Variants in SLC36A1 observed in about 807,000 individuals in gnomAD.
SLC36A1 encodes the protein proton-coupled amino acid transporter 1.
Under a neutral mutation model 47.5 loss-of-function variants are expected in SLC36A1, and 30 were observed. That is an observed-to-expected ratio of 0.63 (90% CI 0.47 to 0.86). The LOEUF (loss-of-function observed/expected upper bound fraction) is 0.86, where lower values mean the gene tolerates loss of function less well. Among genes scored for constraint, SLC36A1 ranks in the 40% least tolerant of loss-of-function variants. SLC36A1 has a pLI of 0.00. For missense variants in SLC36A1, 517 were observed against 606.0 expected (o/e 0.85, Z 1.54); for synonymous variants, 255 against 249.7 (o/e 1.02, Z -0.20).
the SLC36A1 span, chr5:151,422,263 A>G: frequency 6.6e-6 from 1 of 152,258 alleles, no homozygotes; most frequent in Non-Finnish European, 1.5e-5. Context: ...AGAGTTGAAG[A>G]GGTATGTTAG....
the SLC36A1 span, among the ~76,000 whole-genome samples, chr5:151,538,228 G>A: frequency 1.3e-5 from 2 of 152,164 alleles, no homozygotes; most frequent in South Asian, 2.1e-4. Context: ...AAGAGAGAAT[G>A]GAGAAGTTCT....
chr5:151,537,771 T>C, the SLC36A1 span: 4 of 1,598,788 alleles, frequency 2.5e-6, no homozygotes, highest in Non-Finnish European at 3.4e-6. Flanking sequence ...CTTGTTTTGA[T>C]CCTGCAGCTC....
the SLC36A1 span, among the ~76,000 whole-genome samples, chr5:151,428,161 C>G: frequency 3.3e-5 from 5 of 152,270 alleles, no homozygotes; most frequent in East Asian, 9.7e-4. Flanking sequence ...TTTCTAATGG[C>G]TATGTAAGCC....
chr5:151,349,933 A>G, the SLC36A1 span, among the ~76,000 whole-genome samples: 1 of 152,192 alleles, frequency 6.6e-6, no homozygotes, highest in African/African-American at 2.4e-5. Flanking sequence ...CCACTGTTCT[A>G]TGGAGTGGGA....
chr5:151,419,783 T>C, the SLC36A1 span: 1 of 152,192 alleles, frequency 6.6e-6, no homozygotes, highest in Admixed American at 6.5e-5. Context: ...TAAAATTAAT[T>C]ATAACTGTAT....
At chr5:151,477,150 G>A (rs1321736588) in intron 9 of SLC36A1, among the ~76,000 whole-genome samples, 1 of 152,226 alleles carries the variant, frequency 6.6e-6, no homozygotes, top group Non-Finnish European at 1.5e-5. Flanking sequence ...GCAGATGGGA[G>A]CATCTCACTG....
chr5:151,540,090 T>C, the SLC36A1 span, among the ~76,000 whole-genome samples: 1 of 152,252 alleles, frequency 6.6e-6, no homozygotes, highest in Non-Finnish European at 1.5e-5. Context: ...CCATTGGGCA[T>C]GGCTGGCTGT....
At chr5:151,480,958 C>G (rs1354562878) in intron 10 of SLC36A1, among the ~76,000 whole-genome samples, 2 of 152,198 alleles carry the variant, frequency 1.3e-5, no homozygotes, top group African/African-American at 2.4e-5. Context: ...GCTCCTCCAC[C>G]CTGCCTATTG....
intron 7 of SLC36A1, among the ~76,000 whole-genome samples, chr5:151,473,129 C>T (rs1326947825): frequency 3.3e-5 from 5 of 152,024 alleles, no homozygotes; most frequent in Admixed American, 3.3e-4. Flanking sequence ...GAGCCGAGAT[C>T]TCGCCACTGC....
intron 10 of SLC36A1, among the ~76,000 whole-genome samples, chr5:151,481,819 T>TCTA (rs1758838478): frequency 6.6e-6 from 1 of 152,204 alleles, no homozygotes; most frequent in African/African-American, 2.4e-5. Flanking sequence ...TCGGACAGTA[T>TCTA]CTACTTCCAG....
chr5:151,532,053 G>C, the SLC36A1 span: 1 of 1,527,422 alleles, frequency 6.5e-7, no homozygotes, highest in Non-Finnish European at 8.9e-7. Flanking sequence ...GCCACAGGAG[G>C]GGCTGGGGAG....
intron 8 of SLC36A1, 36 bp downstream of exon 8, chr5:151,473,807 T>C (rs1321219366): frequency 2.1e-6 from 3 of 1,428,758 alleles, no homozygotes; most frequent in East Asian, 2.3e-5. Flanking sequence ...TAGTGTTCTC[T>C]GGTGCCCTTG....
At chr5:151,439,832 T>C (rs1752517989) in intron 1 of SLC36A1, among the ~76,000 whole-genome samples, 1 of 152,224 alleles carries the variant, frequency 6.6e-6, no homozygotes, top group African/African-American at 2.4e-5. Flanking sequence ...ATTTACTTTA[T>C]AGGAGACACC....
intron 4 of SLC36A1, 109 bp downstream of exon 4, chr5:151,464,711 C>A: frequency 2.2e-6 from 2 of 895,598 alleles, no homozygotes; most frequent in Non-Finnish European, 3.6e-6. Flanking sequence ...TTTACACTGG[C>A]TGGAGGTAGC....
At chr5:151,385,009 A>AGAGAGAGTGTGTGTGTGTGTGTGT in the SLC36A1 span, among the ~76,000 whole-genome samples, 138 of 128,484 alleles carry the variant, frequency 1.1e-3, no homozygotes, top group Middle Eastern at 3.8e-3. Context: ...AGAGAGAGAG[A>AGAGAGAGTGTGTGTGTGTGTGTGT]GTGTGTGTGT....
rs28625753 is a variant in SLC36A1 at position 151,483,776 on chromosome 5, C to T, written c.1160-4207C>T. 6.2e-3 allele frequency among the ~76,000 whole-genome samples: 939 copies of T among 152,260 alleles called. 6 individuals are homozygous for T. Among genetic ancestry groups the T allele is most frequent in the African/African-American group, 0.022 (898 of 41,544 alleles). ...GCTGCTGATGCTGATTTGGTTTGGA[C>T]ATCCTTCTCTTCTTCCCACTTTGTG... is the stretch of plus-strand genomic sequence containing the variant. On this transcript the variant is annotated intron_variant, in intron 10 of 10. Coordinates refer to ENST00000243389, the MANE Select transcript of SLC36A1 (RefSeq NM_078483.4).
chr5:151,427,893 A>G, the SLC36A1 span, among the ~76,000 whole-genome samples: 1 of 152,178 alleles, frequency 6.6e-6, no homozygotes, highest in African/African-American at 2.4e-5. Context: ...CTGGAGAGTG[A>G]ACAGTTACAT....
chr5:151,391,581 T>C, the SLC36A1 span, among the ~76,000 whole-genome samples: 1 of 152,234 alleles, frequency 6.6e-6, no homozygotes, highest in African/African-American at 2.4e-5. Flanking sequence ...GTCCCATCAA[T>C]ACCGAATTTA....
At chr5:151,480,142 G>A (rs1758619785) in intron 10 of SLC36A1, 8 of 1,406,050 alleles carry the variant, frequency 5.7e-6, no homozygotes, top group African/African-American at 4.4e-5. Flanking sequence ...AATTTTTTTT[G>A]TAGCTTCTGT....
Sources: gnomAD v4.1 joint callset for allele counts (sites outside exome capture counted in the v4.1 genomes callset) on GRCh38, gnomAD v4.1.1 for gene constraint, MANE v1.5 for transcripts, NCBI Gene and HGNC (gene_info 2026-07-23, HGNC 2026-07-21) for gene names.